Variants in MRTFA observed in about 807,000 individuals in gnomAD.
MRTFA encodes myocardin-related transcription factor A.
MRTFA carries 20 observed loss-of-function variants against 83.5 expected under a neutral mutation model. The observed-to-expected ratio is 0.24, with a 90% CI of 0.17 to 0.35. The LOEUF (loss-of-function observed/expected upper bound fraction) is 0.35, where lower values mean the gene tolerates loss of function less well. Among genes scored for constraint, MRTFA ranks in the 10% least tolerant of loss-of-function variants. MRTFA has a pLI of 1.00. For missense variants in MRTFA, 1,200 were observed against 1,224.7 expected, an observed-to-expected ratio of 0.98 and a Z score of 0.30; for synonymous variants, 659 against 541.2, an observed-to-expected ratio of 1.22 and a Z score of -3.02.
chr22:40,490,460 A>G (rs986121845), intron 3 of MRTFA, among the ~76,000 whole-genome samples: 1 of 152,046 alleles, frequency 6.6e-6, no homozygotes, highest in Non-Finnish European at 1.5e-5. Flanking sequence ...CTACCTGGGC[A>G]TGGTGGTGGG....
intron 4 of MRTFA, among the ~76,000 whole-genome samples, chr22:40,459,934 G>T (rs532143010): frequency 6.8e-6 from 1 of 146,004 alleles, no homozygotes; most frequent in Non-Finnish European, 1.5e-5. Context: ...GCAGATAACC[G>T]CAATAACCAA....
chr22:40,428,990 T>C (rs1193200112), intron 7 of MRTFA, among the ~76,000 whole-genome samples: 1 of 152,194 alleles, frequency 6.6e-6, no homozygotes, highest in Non-Finnish European at 1.5e-5. Flanking sequence ...CCCTTCCTGA[T>C]GCAACCAGGT....
intron 3 of MRTFA, among the ~76,000 whole-genome samples, chr22:40,527,218 T>A (rs1485627937): frequency 6.6e-6 from 1 of 152,094 alleles, no homozygotes; most frequent in African/African-American, 2.4e-5. Flanking sequence ...TTGCACTATG[T>A]AGTTGTCACA....
At chr22:40,556,056 A>G (rs1055778901) in intron 2 of MRTFA, among the ~76,000 whole-genome samples, 2 of 152,196 alleles carry the variant, frequency 1.3e-5, no homozygotes, top group African/African-American at 4.8e-5. Flanking sequence ...ATACAAAGAA[A>G]AAAGATTTTA....
At chr22:40,436,497 G>C (rs12158872) in intron 4 of MRTFA, among the ~76,000 whole-genome samples, 18,368 of 152,132 alleles carry the variant, frequency 0.12, 1,288 homozygotes, top group East Asian at 0.24. Context: ...CGACAGCTGA[G>C]ACGAAGGGCT....
intron 3 of MRTFA, among the ~76,000 whole-genome samples, chr22:40,488,391 C>T (rs1301939802): frequency 1.3e-5 from 2 of 152,220 alleles, no homozygotes; most frequent in African/African-American, 2.4e-5. Flanking sequence ...ACTAGCCACA[C>T]ATGCTATTTA....
At position 40,416,495 on chromosome 22, in the gene MRTFA, T is replaced by C. The variant is rs6001906; in HGVS notation, c.2578+491A>G. Among the ~76,000 whole-genome samples the C allele has an allele frequency of 0.097, 14,820 of 152,248 alleles. 1,280 individuals are homozygous for C. Among genetic ancestry groups the C allele is most frequent in the African/African-American group, 0.23 (9,508 of 41,530 alleles). ...CAGGAGGCCACGCATGATCTGGCCA[T>C]GAAGGCCTTCTTCCCCTTTCCTCAA... is the stretch of plus-strand genomic sequence containing the variant. On this transcript the variant is annotated intron_variant, in intron 14 of 14. Coordinates refer to ENST00000355630, the MANE Select transcript of MRTFA (RefSeq NM_020831.6). The surrounding 1 kb of genome is among the most constrained non-coding windows in gnomAD (Gnocchi z 4.2).
chr22:40,467,701 T>A (rs1347153632), intron 3 of MRTFA, among the ~76,000 whole-genome samples: 1 of 151,758 alleles, frequency 6.6e-6, no homozygotes, highest in East Asian at 1.9e-4. Context: ...CTATGGAGAT[T>A]TAGGAGAGTA....
At chr22:40,557,443 C>A (rs2055540731) in intron 2 of MRTFA, among the ~76,000 whole-genome samples, 1 of 152,138 alleles carries the variant, frequency 6.6e-6, no homozygotes, top group African/African-American at 2.4e-5. Context: ...TAAGTAAAAT[C>A]TTCTGCTATT....
Position 40,565,037 on chromosome 22 carries a change from C to T in MRTFA, c.-21-12670G>A, listed in dbSNP as rs559368465. On this transcript the variant is annotated intron_variant, in intron 2 of 14. Transcript: ENST00000355630. Reference sequence around the variant, plus strand: ...AAGCTCATGAGCTTATGTATAGGGACGTGAACTCACCAGCTAGAAGAAACA... The same window carrying T: ...AAGCTCATGAGCTTATGTATAGGGATGTGAACTCACCAGCTAGAAGAAACA... 5.3e-5 allele frequency among the ~76,000 whole-genome samples: 8 copies of T among 152,072 alleles called. No homozygotes were observed. In the South Asian group the frequency reaches 6.2e-4, roughly 12 times the overall value.
intron 1 of MRTFA, among the ~76,000 whole-genome samples, chr22:40,596,081 C>T (rs1022452410): frequency 6.6e-6 from 1 of 151,854 alleles, no homozygotes; most frequent in African/African-American, 2.4e-5. Context: ...CCATTACCCA[C>T]ACCAAACTTC....
intron 1 of MRTFA, among the ~76,000 whole-genome samples, chr22:40,617,976 C>A (rs567976508): frequency 6.6e-6 from 1 of 151,860 alleles, no homozygotes; most frequent in South Asian, 2.1e-4. Flanking sequence ...AAGAGACGGA[C>A]AACAAACAGA....
intron 4 of MRTFA, among the ~76,000 whole-genome samples, chr22:40,457,219 G>A (rs2053599991): frequency 6.6e-6 from 1 of 151,960 alleles, no homozygotes; most frequent in African/African-American, 2.4e-5. Flanking sequence ...ACAAAAATTA[G>A]CTGGGCGTGG....
intron 3 of MRTFA, among the ~76,000 whole-genome samples, chr22:40,505,933 T>C (rs975391127): frequency 3.9e-5 from 6 of 152,200 alleles, no homozygotes; most frequent in Non-Finnish European, 8.8e-5. Context: ...TAACATAGAT[T>C]ATATTATTAA....
chr22:40,634,801 T>C (rs1024026093), intron 1 of MRTFA, among the ~76,000 whole-genome samples: 4 of 152,360 alleles, frequency 2.6e-5, no homozygotes, highest in East Asian at 1.9e-4. Context: ...TTCTATTTCA[T>C]ACTCTTTTTA....
intron 2 of MRTFA, among the ~76,000 whole-genome samples, chr22:40,556,864 C>A (rs547589396): frequency 6.6e-6 from 1 of 152,284 alleles, no homozygotes; most frequent in East Asian, 1.9e-4. Flanking sequence ...AAAAAAAAGA[C>A]TTCAACTTTA....
intron 1 of MRTFA, among the ~76,000 whole-genome samples, chr22:40,618,308 T>A (rs2056479657): frequency 6.7e-6 from 1 of 149,854 alleles, no homozygotes; most frequent in Non-Finnish European, 1.5e-5. Flanking sequence ...GCCAGGGTGG[T>A]CTCAATCTCC....
At chr22:40,466,823 T>A (rs995271093) in intron 3 of MRTFA, among the ~76,000 whole-genome samples, 17 of 152,160 alleles carry the variant, frequency 1.1e-4, no homozygotes, top group African/African-American at 3.6e-4. Context: ...TTGAAAAACT[T>A]CTTGCTTCAT....
Position 40,420,539 on chromosome 22 carries a change from G to C in MRTFA, c.1219C>G (p.Pro407Ala), listed in dbSNP as rs753496354. The C allele has an allele frequency of 6.8e-6, 11 of 1,613,536 alleles. No homozygotes were observed. Among genetic ancestry groups the C allele is most frequent in the Middle Eastern group, 3.3e-4 (2 of 6,046 alleles). ...TTGGTAGTGGAGAGGCTGCGTACTG[G>C]GGGGGTCCCGCTGCTTCCCAGGGCC... is the stretch of plus-strand genomic sequence containing the variant. Residue 407 changes from proline to alanine, a missense_variant, in exon 11 of 15, where the codon CCA becomes GCA. Physicochemically the swap from Pro to Ala is conservative, Grantham distance 27 (BLOSUM62 -1). Transcript: ENST00000355630.
Sources: gnomAD v4.1 joint callset for allele counts (sites outside exome capture counted in the v4.1 genomes callset) on GRCh38, gnomAD v4.1.1 for gene constraint, Gnocchi (gnomAD v3.1) non-coding constraint, MANE v1.5 for transcripts, NCBI Gene and HGNC (gene_info 2026-07-23, HGNC 2026-07-21) for gene names.